Variants in IGF1R observed in about 807,000 individuals in gnomAD.
IGF1R encodes insulin-like growth factor 1 receptor.
In IGF1R, 44 loss-of-function variants were observed where a neutral mutation model predicts 144.6. That is an observed-to-expected ratio of 0.30 (90% confidence interval 0.24 to 0.39). IGF1R has a LOEUF of 0.39. Among genes scored for constraint, IGF1R ranks in the 10% least tolerant of loss-of-function variants. The pLI is 1.00. For missense variants in IGF1R, 1,355 were observed against 1,833.7 expected, an observed-to-expected ratio of 0.74 and a Z score of 4.77; for synonymous variants, 795 against 722.8, an observed-to-expected ratio of 1.10 and a Z score of -1.60.
chr15:98,760,613 G>A lies in IGF1R; in HGVS notation c.640+52506G>A, dbSNP rs1331465807. ...CATGTCGCTGCGGCATTGCAGGCGT[G>A]TGTGCATGTTGGCTCTTGCAACGGG... is the stretch of plus-strand genomic sequence containing the variant. On this transcript the variant is annotated intron_variant, in intron 2 of 20. Transcript: ENST00000650285. Among the ~76,000 whole-genome samples, 4 of 152,210 alleles carry A rather than the reference G, an allele frequency of 2.6e-5. No individual in the cohort carries two copies. In the East Asian group the frequency reaches 5.8e-4, roughly 22 times the overall value.
intron 2 of IGF1R, among the ~76,000 whole-genome samples, chr15:98,864,717 T>C (rs79413935): frequency 0.022 from 3,281 of 152,368 alleles, 37 homozygotes; most frequent in South Asian, 0.034. Flanking sequence ...AAGAAAGTTT[T>C]AAAAAATTGT....
At chr15:98,740,207 G>A (rs1048659706) in intron 2 of IGF1R, among the ~76,000 whole-genome samples, 2 of 152,180 alleles carry the variant, frequency 1.3e-5, no homozygotes, top group Non-Finnish European at 2.9e-5. Context: ...TCCTTCATTT[G>A]TTTTGCTTGC....
chr15:98,788,443 C>T (rs749951903), intron 2 of IGF1R, among the ~76,000 whole-genome samples: 15 of 152,184 alleles, frequency 9.9e-5, no homozygotes, highest in Non-Finnish European at 1.6e-4. Flanking sequence ...AGGCTTCCTT[C>T]CTGTTCTCTG....
At chr15:98,858,063 G>A (rs368256437) in intron 2 of IGF1R, among the ~76,000 whole-genome samples, 78 of 152,282 alleles carry the variant, frequency 5.1e-4, no homozygotes, top group African/African-American at 1.8e-3. Context: ...GAGTATCAGC[G>A]GATTCAAGCG....
intron 2 of IGF1R, among the ~76,000 whole-genome samples, chr15:98,709,730 T>A (rs2053948781): frequency 6.6e-6 from 1 of 152,156 alleles, no homozygotes; most frequent in South Asian, 2.1e-4. Context: ...TGGGCTTTTT[T>A]AGGATATTTC....
chr15:98,654,044 G>A (rs994182929), intron 1 of IGF1R, among the ~76,000 whole-genome samples: 2 of 152,206 alleles, frequency 1.3e-5, no homozygotes, highest in Non-Finnish European at 2.9e-5. Context: ...TTGAAATTCA[G>A]ATTTTTTTTC....
intron 2 of IGF1R, among the ~76,000 whole-genome samples, chr15:98,767,413 G>T (rs975788967): frequency 1.3e-4 from 20 of 152,138 alleles, no homozygotes; most frequent in African/African-American, 4.6e-4. Flanking sequence ...GATACATGAG[G>T]CATAACTGTA....
intron 2 of IGF1R, among the ~76,000 whole-genome samples, chr15:98,817,278 G>A (rs977525879): frequency 6.6e-6 from 1 of 150,586 alleles, no homozygotes; most frequent in African/African-American, 2.4e-5. Flanking sequence ...CTCCAGACTG[G>A]GCAGCAGAGC....
intron 2 of IGF1R, among the ~76,000 whole-genome samples, chr15:98,817,390 TAAG>T (rs1376074304): frequency 2.6e-5 from 4 of 151,846 alleles, no homozygotes; most frequent in African/African-American, 9.7e-5. Flanking sequence ...AAGAGAATAA[TAAG>T]CTAGTGATGA....
At chr15:98,826,746 A>G (rs1596335763) in intron 2 of IGF1R, among the ~76,000 whole-genome samples, 2 of 152,228 alleles carry the variant, frequency 1.3e-5, no homozygotes, top group African/African-American at 4.8e-5. Flanking sequence ...TTACTGTAAC[A>G]TTACCTACTT....
chr15:98,716,729 A>G (rs1021772839), intron 2 of IGF1R, among the ~76,000 whole-genome samples: 1 of 152,168 alleles, frequency 6.6e-6, no homozygotes, highest in Non-Finnish European at 1.5e-5. Context: ...TATGGGGGAC[A>G]GTTGTCTTTT....
intron 2 of IGF1R, among the ~76,000 whole-genome samples, chr15:98,751,101 T>C (rs909149196): frequency 1.3e-5 from 2 of 152,200 alleles, no homozygotes; most frequent in African/African-American, 4.8e-5. Context: ...TTCTTCTAGA[T>C]GTTTAAAACA....
intron 3 of IGF1R, among the ~76,000 whole-genome samples, chr15:98,893,729 A>G (rs2014043104): frequency 6.6e-6 from 1 of 152,212 alleles, no homozygotes; most frequent in African/African-American, 2.4e-5. Flanking sequence ...AATGCTGTCC[A>G]TTTGACAGTG....
At chr15:98,876,366 G>GT (rs2013063269) in intron 2 of IGF1R, among the ~76,000 whole-genome samples, 1 of 150,888 alleles carries the variant, frequency 6.6e-6, no homozygotes, top group South Asian at 2.1e-4. Context: ...CTTCATCCAC[G>GT]TTTTATAAAG....
At chr15:98,930,195 A>G in intron 14 of IGF1R, 40 bp from the exon 15 acceptor site, 1 of 1,340,288 alleles carries the variant, frequency 7.5e-7, no homozygotes, top group East Asian at 2.3e-5. Context: ...GAATGTATGG[A>G]GGTGGGGTTT....
chr15:98,818,554 G>C (rs897602353), intron 2 of IGF1R, among the ~76,000 whole-genome samples: 1 of 151,810 alleles, frequency 6.6e-6, no homozygotes, highest in African/African-American at 2.4e-5. Context: ...TGACATTTTG[G>C]GTGAAATAAT....
chr15:98,916,804 A>G lies in IGF1R; in HGVS notation c.2129A>G (p.Gln710Arg), dbSNP rs2151683106. ...TGCCCCAAAACTGAAGCCGAGAAGC[A>G]GGCCGAGAAGGAGGAGGCTGAATAC... is the stretch of plus-strand genomic sequence containing the variant. ...CACPKTEAEKQAEKEEAEYRK... is the reference protein window; with the variant it reads ...CACPKTEAEKRAEKEEAEYRK... The change falls in exon 10 of 21, where the codon CAG becomes CGG. Residue 710 changes from glutamine to arginine, a missense_variant. By Grantham distance (43) the Gln-to-Arg change is conservative. This residue lies in a region of IGF1R where 880 missense variants were observed against 1,202.7 expected (regional missense o/e 0.73). Coordinates refer to ENST00000650285, the MANE Select transcript of IGF1R (RefSeq NM_000875.5). 6.2e-7 allele frequency: 1 copy of G among 1,614,168 alleles called. No individual in the cohort carries two copies.
In IGF1R at chr15:98,959,788, C is replaced by CT. The variant is rs976441030; in HGVS notation, c.*2352dup. 1.3e-5 allele frequency: 3 copies of CT among 232,592 alleles called. No individual in the cohort carries two copies. Among genetic ancestry groups the CT allele is most frequent in the African/African-American group, 2.2e-5 (1 of 45,096 alleles). The allele number at this position is 232,592 out of a possible 1,614,324, so 14.4% of individuals were successfully genotyped here. On this transcript the variant is annotated 3_prime_UTR_variant, in exon 21 of 21. Transcript: ENST00000650285. Reference sequence around the variant, plus strand: ...AACACAGAAAAGAAAGTTTATACGGCTTTTTTGCTGGTCAGCAGTTTGTCC... The same window carrying CT: ...AACACAGAAAAGAAAGTTTATACGGCTTTTTTTGCTGGTCAGCAGTTTGTCC...
intron 2 of IGF1R, among the ~76,000 whole-genome samples, chr15:98,842,422 C>T (rs1160559042): frequency 6.6e-6 from 1 of 152,128 alleles, no homozygotes; most frequent in East Asian, 1.9e-4. Flanking sequence ...TTTATAAAAA[C>T]AAAGTTTTGA....
Sources: allele counts gnomAD v4.1 joint callset (sites outside exome capture counted in the v4.1 genomes callset), GRCh38; gene constraint gnomAD v4.1.1; regional missense constraint gnomAD v4.1.1; transcripts MANE v1.5; gene names NCBI Gene and HGNC (gene_info 2026-07-23, HGNC 2026-07-21).